The following CPLX2 variants were observed in gnomAD, a reference collection of about 807,000 sequenced individuals.
The protein encoded by CPLX2 is complexin 2.
In CPLX2, 5 loss-of-function variants were observed where a neutral mutation model predicts 16.3. The observed-to-expected ratio is 0.31, with a 90% confidence interval of 0.16 to 0.64. The LOEUF is 0.64. Ranked by LOEUF, CPLX2 falls within the 30% of genes least tolerant of loss-of-function variation. The probability of loss-of-function intolerance (pLI) is 0.79; values close to 1 mark genes in which losing one functional copy is unlikely to be tolerated. For synonymous variants in CPLX2, 89 were observed against 73.2 expected (o/e 1.22, Z -1.10); for missense variants, 144 against 181.4 (o/e 0.79, Z 1.18).
Position 175,872,286 on chromosome 5 carries a change from A to T in CPLX2, c.-89+581A>T, listed in dbSNP as rs1477235752. 2 of 152,624 alleles carry T rather than the reference A, an allele frequency of 1.3e-5. No homozygotes were observed. The highest frequency in any genetic ancestry group is 2.9e-5 in the Non-Finnish European group (2 of 68,402). The allele number at this position is 152,624 out of a possible 1,614,324, so 9.5% of individuals were successfully genotyped here. A position where few individuals can be genotyped will look rare whatever the true frequency, so the allele number is the denominator to read the frequency against. ...GACATTGACAGGGGATGGGGGACCA[A>T]GGGGACTATTTGTCCCTTTCCGGGA... On this transcript the variant is annotated intron_variant, in intron 1 of 3. Coordinates refer to ENST00000393745, the MANE Select transcript of CPLX2 (RefSeq NM_001008220.2). This position sits in a 1 kb window ranked among gnomAD's most constrained non-coding sequence, Gnocchi z 5.0.
At chr5:175,851,824 G>A (rs371181312) in intron 2 of CPLX2, among the ~76,000 whole-genome samples, 1 of 152,242 alleles carries the variant, frequency 6.6e-6, no homozygotes, top group South Asian at 2.1e-4. Context: ...TCTGGCAGCC[G>A]TGCTTTGGTC....
chr5:175,879,205 C>T, intron 3 of CPLX2, 122 bp downstream of exon 3: 5 of 1,057,392 alleles, frequency 4.7e-6, no homozygotes, highest in Non-Finnish European at 5.4e-6. Flanking sequence ...TTCTGAGCCT[C>T]ACTCTTCTCA....
chr5:175,864,362 C>G (rs1454503669), intron 2 of CPLX2, among the ~76,000 whole-genome samples: 2 of 152,204 alleles, frequency 1.3e-5, no homozygotes, highest in Non-Finnish European at 2.9e-5. Flanking sequence ...CAGGGGGTAC[C>G]AGCCACCCCT....
chr5:175,797,599 G>A (rs1758013621), intron 1 of CPLX2, among the ~76,000 whole-genome samples: 1 of 152,108 alleles, frequency 6.6e-6, no homozygotes, highest in Non-Finnish European at 1.5e-5. Flanking sequence ...GGCTGTCCCC[G>A]GAACATCCCT....
intron 2 of CPLX2, among the ~76,000 whole-genome samples, chr5:175,842,717 G>A (rs1188501805): frequency 2.0e-5 from 3 of 152,166 alleles, no homozygotes; most frequent in East Asian, 3.9e-4. Context: ...ACAGCTGCTC[G>A]GTGGCCCCAG....
intron 2 of CPLX2, among the ~76,000 whole-genome samples, chr5:175,860,448 AAGAG>A (rs1358246431): frequency 3.9e-5 from 5 of 127,164 alleles, no homozygotes; most frequent in South Asian, 2.8e-4. Context: ...AAGAGAAAGA[AAGAG>A]AGAGAAAGAA....
At chr5:175,842,241 T>TTAC (rs1407759979) in intron 2 of CPLX2, among the ~76,000 whole-genome samples, 1 of 152,154 alleles carries the variant, frequency 6.6e-6, no homozygotes, top group Non-Finnish European at 1.5e-5. Context: ...AAACAGCAGG[T>TTAC]GGTAATCATT....
chr5:175,871,791 C>T (rs1266253818), intron 1 of CPLX2, 86 bp downstream of exon 1: 2 of 152,458 alleles, frequency 1.3e-5, no homozygotes, highest in African/African-American at 4.8e-5. Context: ...TGGGGCAGCT[C>T]GGGAAGCTGG....
At position 175,878,699 on chromosome 5, in the gene CPLX2, A is replaced by T; in HGVS notation, c.-41A>T. On this transcript the variant is annotated 5_prime_UTR_variant, in exon 2 of 4. Transcript: ENST00000393745. The stretch of plus-strand genomic sequence containing the variant: ...GGCCAGCCAGGAGCGCTGCATGCAA[A>T]TTCTGCCGTGGGCTAAGGCACGCTA... 1 of 1,609,380 alleles carries T rather than the reference A, an allele frequency of 6.2e-7. No homozygotes were observed. The highest frequency in any genetic ancestry group is 8.5e-7 in the Non-Finnish European group (1 of 1,178,356).
chr5:175,845,537 C>T lies in CPLX2; in HGVS notation c.-88-33115C>T, dbSNP rs1759026548. Among the ~76,000 whole-genome samples the T allele has an allele frequency of 6.6e-6, 1 of 152,206 alleles. No homozygotes were observed. The highest frequency in any genetic ancestry group is 2.1e-4 in the South Asian group (1 of 4,834). ...GGGCCACTCCCCCTAGAGTAACTGC[C>T]CCCATCTGCGTCACTGTGTGTTATT... On this transcript the variant is annotated intron_variant, in intron 2 of 4. Transcript: ENST00000359546. This position sits in a 1 kb window ranked among gnomAD's most constrained non-coding sequence, Gnocchi z 4.0.
intron 1 of CPLX2, among the ~76,000 whole-genome samples, chr5:175,875,868 T>TA (rs147296470): frequency 6.6e-6 from 1 of 152,104 alleles, no homozygotes; most frequent in East Asian, 1.9e-4. Flanking sequence ...AAGAGCTACT[T>TA]AGAGCCACAG....
intron 2 of CPLX2, among the ~76,000 whole-genome samples, chr5:175,819,975 A>G (rs1396981279): frequency 6.6e-6 from 1 of 152,132 alleles, no homozygotes; most frequent in East Asian, 1.9e-4. Flanking sequence ...GAAATTATCC[A>G]CCTGTCTCCC....
rs1410106999 is a variant in CPLX2, at chr5:175,809,157, C to T, written c.-89+89C>T. The T allele has an allele frequency of 1.3e-5, 2 of 152,332 alleles. No individual in the cohort carries two copies. The highest frequency in any genetic ancestry group is 2.4e-5 in the African/African-American group (1 of 41,454). The allele number at this position is 152,332 out of a possible 1,614,324, so 9.4% of individuals were successfully genotyped here. A position where few individuals can be genotyped will look rare whatever the true frequency, so the allele number is the denominator to read the frequency against. On this transcript the variant is annotated intron_variant, in intron 2 of 4. Transcript: ENST00000359546. The surrounding 1 kb of genome is among the most constrained non-coding windows in gnomAD (Gnocchi z 4.4). ...CCCTGATGAAGGGGGCACGTCTTCC[C>T]CTCTGTGATTGCCAAGAACAGTCCT...
At chr5:175,844,458 G>A (rs1198608664) in intron 2 of CPLX2, among the ~76,000 whole-genome samples, 3 of 152,234 alleles carry the variant, frequency 2.0e-5, no homozygotes, top group Non-Finnish European at 4.4e-5. Context: ...TGAGGCTTCT[G>A]TCTGGTGGGA....
chr5:175,834,120 C>T (rs2113660571), intron 2 of CPLX2, among the ~76,000 whole-genome samples: 1 of 152,356 alleles, frequency 6.6e-6, no homozygotes, highest in East Asian at 1.9e-4. Context: ...GTCAGGAAGG[C>T]CTGCCTCTGG....
chr5:175,799,431 G>A (rs1758046575), intron 1 of CPLX2, among the ~76,000 whole-genome samples: 1 of 151,640 alleles, frequency 6.6e-6, no homozygotes, highest in African/African-American at 2.4e-5. Flanking sequence ...AGCTCAAAGA[G>A]GCTGGAAGGT....
chr5:175,825,147 A>C (rs1290082321), intron 2 of CPLX2, among the ~76,000 whole-genome samples: 1 of 152,158 alleles, frequency 6.6e-6, no homozygotes, highest in Non-Finnish European at 1.5e-5. Flanking sequence ...CTGTAATCCC[A>C]GCACTTTGGG....
At chr5:175,850,970 AG>A (rs1759139526) in intron 2 of CPLX2, among the ~76,000 whole-genome samples, 1 of 50,052 alleles carries the variant, frequency 2.0e-5, no homozygotes, top group Non-Finnish European at 3.8e-5. Flanking sequence ...AGGGGCAGAG[AG>A]ACGAGATCTC....
At chr5:175,855,928 G>A (rs976620511) in intron 2 of CPLX2, among the ~76,000 whole-genome samples, 116 of 152,156 alleles carry the variant, frequency 7.6e-4, no homozygotes, top group Non-Finnish European at 1.3e-4. Flanking sequence ...AGGACAACCT[G>A]CGTCTACCAT....
Sources: allele counts gnomAD v4.1 joint callset (sites outside exome capture counted in the v4.1 genomes callset), GRCh38; gene constraint gnomAD v4.1.1; non-coding constraint Gnocchi (gnomAD v3.1); transcripts MANE v1.5; gene names NCBI Gene and HGNC (gene_info 2026-07-23, HGNC 2026-07-21).